Variants in ZNF831 observed in about 807,000 individuals in gnomAD.
ZNF831 encodes chromosome 20 open reading frame 174.
Under a neutral mutation model 95.8 loss-of-function variants are expected in ZNF831, and 59 were observed. The ratio of observed to expected loss-of-function variants is 0.62; its 90% CI spans 0.50 to 0.77. ZNF831 has a LOEUF of 0.77. Ranked by LOEUF, ZNF831 falls within the 30% of genes least tolerant of loss-of-function variation. ZNF831 has a pLI of 0.00. For synonymous variants in ZNF831, 961 were observed against 925.5 expected, an observed-to-expected ratio of 1.04 and a Z score of -0.70; for missense variants, 2,205 against 2,164.0, an observed-to-expected ratio of 1.02 and a Z score of -0.38.
At chr20:59,212,148 C>A (rs1016079485) in intron 4 of ZNF831, among the ~76,000 whole-genome samples, 1 of 152,104 alleles carries the variant, frequency 6.6e-6, no homozygotes, top group African/African-American at 2.4e-5. Flanking sequence ...TTTGGAGACA[C>A]TTCCTGTCAA....
At chr20:59,142,219 G>A (rs771841554) in intron 1 of ZNF831, among the ~76,000 whole-genome samples, 3 of 152,210 alleles carry the variant, frequency 2.0e-5, no homozygotes, top group Non-Finnish European at 4.4e-5. Context: ...AAGCTATGAA[G>A]GAGCAGAGCC....
intron 1 of ZNF831, among the ~76,000 whole-genome samples, chr20:59,145,505 C>T: frequency 6.6e-6 from 1 of 152,198 alleles, no homozygotes; most frequent in East Asian, 1.9e-4. Context: ...CACAAGACCT[C>T]TTTTCTTTTC....
At position 59,192,468 on chromosome 20, in the gene ZNF831, C is replaced by T. The variant is rs1983663654; in HGVS notation, c.1449C>T (p.Leu483=). 6.3e-7 allele frequency: 1 copy of T among 1,591,568 alleles called. No individual in the cohort carries two copies. The highest frequency in any genetic ancestry group is 8.5e-7 in the Non-Finnish European group (1 of 1,169,672). Residue 483 remains leucine, a synonymous_variant, in exon 2 of 6, where the codon CTC becomes CTT. Coordinates refer to ENST00000371030, the MANE Select transcript of ZNF831 (RefSeq NM_178457.3). This position sits in a 1 kb window ranked among gnomAD's most constrained non-coding sequence, Gnocchi z 5.2. ...TWTPPDKSRP[L]FFHSVPTQLS... ...CGCCCCCAGACAAGTCTCGGCCCCTCTTCTTCCACTCCGTCCCCACTCAGC... is the reference window on the plus strand; with the variant it reads ...CGCCCCCAGACAAGTCTCGGCCCCTTTTCTTCCACTCCGTCCCCACTCAGC...
chr20:59,210,234 G>T (rs1018652677), intron 4 of ZNF831, among the ~76,000 whole-genome samples: 5 of 152,184 alleles, frequency 3.3e-5, no homozygotes, highest in African/African-American at 1.2e-4. Flanking sequence ...AAACAGAATT[G>T]CCCCGGCCAC....
rs1173263224 is a variant in ZNF831, at chr20:59,253,908, C to T, written c.4199C>T (p.Pro1400Leu). ...TGCACTTTGTTGCAGGATATTTCTC[C>T]ATCTGCTGGTGAGCATGGTGACTGT... is the stretch of plus-strand genomic sequence containing the variant. ...MDKRTVKDIS[P>L]SAGEHGDCTT... The change falls in exon 6 of 6, where the codon CCA becomes CTA. Residue 1400 changes from proline to leucine, a missense_variant. Physicochemically the swap from Pro to Leu is moderately conservative, Grantham distance 98. Transcript: ENST00000371030. 2 of 1,324,176 alleles carry T rather than the reference C, an allele frequency of 1.5e-6. No homozygotes were observed. Among genetic ancestry groups the T allele is most frequent in the Admixed American group, 3.8e-5 (2 of 51,994 alleles). The allele number at this position is 1,324,176 out of a possible 1,614,324, so 82.0% of individuals were successfully genotyped here.
At chr20:59,172,364 C>CA (rs1451403871) in intron 1 of ZNF831, among the ~76,000 whole-genome samples, 4 of 152,228 alleles carry the variant, frequency 2.6e-5, no homozygotes, top group African/African-American at 9.6e-5. Flanking sequence ...GACCCCCCAA[C>CA]AACCACAGTG....
At chr20:59,164,244 A>G (rs1981075725) in intron 1 of ZNF831, among the ~76,000 whole-genome samples, 37 bp downstream of exon 1, 1 of 152,194 alleles carries the variant, frequency 6.6e-6, no homozygotes, top group South Asian at 2.1e-4. Context: ...CATATATAAA[A>G]TGTCAGTTAA....
intron 1 of ZNF831, among the ~76,000 whole-genome samples, chr20:59,187,904 A>G (rs1188528086): frequency 6.6e-6 from 1 of 152,142 alleles, no homozygotes; most frequent in Non-Finnish European, 1.5e-5. Context: ...AAAACACGTG[A>G]TATTTTGTGT....
intron 1 of ZNF831, among the ~76,000 whole-genome samples, 117 bp downstream of exon 1, chr20:59,164,324 C>A (rs1357575578): frequency 6.6e-6 from 1 of 152,206 alleles, no homozygotes; most frequent in African/African-American, 2.4e-5. Flanking sequence ...AGGGAAAATG[C>A]TACGTAAAAC....
chr20:59,246,184 G>A (rs1431751941), intron 4 of ZNF831, among the ~76,000 whole-genome samples: 1 of 150,166 alleles, frequency 6.7e-6, no homozygotes, highest in African/African-American at 2.5e-5. Context: ...GATGGGTCTG[G>A]GGGTCTCTCC....
At chr20:59,242,708 A>G (rs1987400551) in intron 4 of ZNF831, among the ~76,000 whole-genome samples, 1 of 152,236 alleles carries the variant, frequency 6.6e-6, no homozygotes, top group Admixed American at 6.5e-5. Flanking sequence ...ACTAGGAAAG[A>G]GAAGTACCCT....
rs201079519 is a variant in ZNF831 at position 59,217,162 on chromosome 20, C to CTGTG, written c.4027+10136_4027+10139dup. ...GAGTACATCTGACAGATCTTCATCT[C>CTGTG]TGTGTGTGTGTGTGTGTGTGTGTGT... On this transcript the variant is annotated intron_variant, in intron 4 of 5. Coordinates refer to ENST00000371030, the MANE Select transcript of ZNF831 (RefSeq NM_178457.3). This position sits in a 1 kb window ranked among gnomAD's most constrained non-coding sequence, Gnocchi z 4.4. Among the ~76,000 whole-genome samples, 9,896 of 148,686 alleles carry CTGTG rather than the reference C, an allele frequency of 0.067. 400 individuals are homozygous for CTGTG. The highest frequency in any genetic ancestry group is 0.087 in the South Asian group (405 of 4,656).
chr20:59,235,547 T>C (rs1382022224), intron 4 of ZNF831, among the ~76,000 whole-genome samples: 2 of 152,162 alleles, frequency 1.3e-5, no homozygotes, highest in Non-Finnish European at 2.9e-5. Flanking sequence ...TTATAGTCTT[T>C]ACCCAAACCA....
chr20:59,151,504 T>A (rs1327294984), intron 2 of ZNF831, among the ~76,000 whole-genome samples: 4 of 152,174 alleles, frequency 2.6e-5, no homozygotes, highest in African/African-American at 9.7e-5. Flanking sequence ...TTGCCCTGAC[T>A]TGACAGATGA....
Position 59,211,105 on chromosome 20 carries a change from A to T in ZNF831, c.4027+4049A>T, listed in dbSNP as rs1352163790. 2.0e-5 allele frequency among the ~76,000 whole-genome samples: 3 copies of T among 152,158 alleles called. 1 individual carries two copies. Among genetic ancestry groups the T allele is most frequent in the Admixed American group, 2.0e-4 (3 of 15,284 alleles). On this transcript the variant is annotated intron_variant, in intron 4 of 5. Transcript: ENST00000371030. ...AAAAAAAATTCAGAAACAAAACCTG[A>T]ATATAGATCTAAGAAACAAGTGGCT...
chr20:59,226,067 C>A (rs937202864), intron 4 of ZNF831, among the ~76,000 whole-genome samples: 2 of 152,174 alleles, frequency 1.3e-5, no homozygotes, highest in African/African-American at 4.8e-5. Context: ...AAAATCCCAT[C>A]ATCAGTGTGG....
At chr20:59,181,839 C>T (rs996188735) in intron 1 of ZNF831, among the ~76,000 whole-genome samples, 8 of 151,608 alleles carry the variant, frequency 5.3e-5, no homozygotes, top group Admixed American at 4.6e-4. Flanking sequence ...AACATTGAAT[C>T]TATAAATTAC....
At chr20:59,219,713 A>G (rs1396433364) in intron 4 of ZNF831, among the ~76,000 whole-genome samples, 2 of 152,150 alleles carry the variant, frequency 1.3e-5, no homozygotes, top group African/African-American at 4.8e-5. Flanking sequence ...ATCATAAAGA[A>G]TTTTTGCCAT....
intron 4 of ZNF831, among the ~76,000 whole-genome samples, chr20:59,238,194 T>C (rs1409973377): frequency 2.0e-5 from 3 of 152,164 alleles, no homozygotes; most frequent in Non-Finnish European, 4.4e-5. Flanking sequence ...TTTTTTCTTC[T>C]TAATCCTGAT....
Sources: allele counts gnomAD v4.1 joint callset (sites outside exome capture counted in the v4.1 genomes callset), GRCh38; gene constraint gnomAD v4.1.1; non-coding constraint Gnocchi (gnomAD v3.1); transcripts MANE v1.5; gene names NCBI Gene and HGNC (gene_info 2026-07-23, HGNC 2026-07-21).